BCAR3: variants seen among roughly 807,000 people sequenced by gnomAD.
BCAR3 encodes breast cancer anti-estrogen resistance protein 3.
BCAR3 carries 37 observed loss-of-function variants against 80.1 expected under a neutral mutation model. That is an observed-to-expected ratio of 0.46 (90% CI 0.36 to 0.61). BCAR3 has a LOEUF of 0.61. BCAR3 is among the 20% of genes least tolerant of loss of function. The probability of loss-of-function intolerance (pLI) is 0.00; values close to 1 mark genes in which losing one functional copy is unlikely to be tolerated. For missense variants in BCAR3, 978 were observed against 1,068.2 expected, an observed-to-expected ratio of 0.92 and a Z score of 1.18; for synonymous variants, 389 against 418.9, an observed-to-expected ratio of 0.93 and a Z score of 0.87.
intron 2 of BCAR3, among the ~76,000 whole-genome samples, chr1:93,811,145 G>C (rs1484853622): frequency 1.3e-5 from 2 of 152,280 alleles, no homozygotes; most frequent in East Asian, 1.9e-4. Flanking sequence ...AAAGCTGATG[G>C]GGACACAATC....
At chr1:93,763,192 T>C in intron 2 of BCAR3, among the ~76,000 whole-genome samples, 1 of 151,986 alleles carries the variant, frequency 6.6e-6, no homozygotes, top group East Asian at 1.9e-4. Flanking sequence ...GCCTCCAGAG[T>C]AGCTAGGATT....
intron 3 of BCAR3, among the ~76,000 whole-genome samples, chr1:93,624,304 T>TCCCG (rs1221636066): frequency 2.6e-5 from 4 of 152,234 alleles, no homozygotes. Flanking sequence ...GGTGAGCTTT[T>TCCCG]CCCGGTACAG....
chr1:93,571,997 A>G (rs1382183172), intron 8 of BCAR3, among the ~76,000 whole-genome samples, 156 bp from the exon 9 acceptor site: 1 of 152,240 alleles, frequency 6.6e-6, no homozygotes, highest in Non-Finnish European at 1.5e-5. Context: ...CTCAACAGAG[A>G]GAACGCCCCT....
chr1:93,618,587 T>G (rs950027754), intron 3 of BCAR3, among the ~76,000 whole-genome samples: 2 of 152,240 alleles, frequency 1.3e-5, no homozygotes, highest in Non-Finnish European at 2.9e-5. Flanking sequence ...CACACACAAT[T>G]CTGCCCCATT....
chr1:93,656,767 C>G lies in BCAR3; in HGVS notation c.318-14424G>C, dbSNP rs1001814257. Among the ~76,000 whole-genome samples the G allele has an allele frequency of 3.3e-5, 5 of 152,118 alleles. No homozygotes were observed. In the South Asian group the frequency reaches 6.2e-4, roughly 19 times the overall value. On this transcript the variant is annotated intron_variant, in intron 2 of 11. Coordinates refer to ENST00000260502, the MANE Select transcript of BCAR3 (RefSeq NM_003567.4). ...TACAGGCATGTACCACCACACCCAG[C>G]TAATTTTTTAATCTTTTGCAGAGAC... is the stretch of plus-strand genomic sequence containing the variant.
chr1:93,719,445 A>T (rs1650312181), intron 2 of BCAR3, among the ~76,000 whole-genome samples: 1 of 138,920 alleles, frequency 7.2e-6, no homozygotes, highest in South Asian at 2.2e-4. Flanking sequence ...GGTTCACATC[A>T]TTCTCCTGCC....
chr1:93,596,104 T>C lies in BCAR3; in HGVS notation c.358-3711A>G, dbSNP rs182385739. Among the ~76,000 whole-genome samples, 3 of 152,366 alleles carry C rather than the reference T, an allele frequency of 2.0e-5. No homozygotes were observed. In the East Asian group the frequency reaches 5.8e-4, roughly 29 times the overall value. On this transcript the variant is annotated intron_variant, in intron 3 of 11. Coordinates refer to ENST00000260502, the MANE Select transcript of BCAR3 (RefSeq NM_003567.4). ...CCCCTCTGTGTGGCTATCTGTGTCC[T>C]CTAATTGATCTAAGTTCTAATTTAT...
At chr1:93,584,888 A>T in intron 5 of BCAR3, 1 of 809,954 alleles carries the variant, frequency 1.2e-6, no homozygotes, top group Non-Finnish European at 1.5e-6. Flanking sequence ...GCACTGCACC[A>T]GCCAAGTTGT....
intron 2 of BCAR3, among the ~76,000 whole-genome samples, chr1:93,754,902 G>A (rs778854544): frequency 1.5e-4 from 23 of 152,276 alleles, no homozygotes; most frequent in Non-Finnish European, 2.9e-4. Context: ...AGGTATTCCA[G>A]AAGAAGGTAC....
chr1:93,574,876 C>T (rs139405559), intron 8 of BCAR3, among the ~76,000 whole-genome samples: 128 of 152,260 alleles, frequency 8.4e-4, no homozygotes, highest in Non-Finnish European at 1.5e-3. Flanking sequence ...GAACAAAATC[C>T]GCATGGCCCA....
intron 2 of BCAR3, among the ~76,000 whole-genome samples, chr1:93,713,323 T>C (rs539475236): frequency 1.1e-4 from 17 of 152,280 alleles, no homozygotes; most frequent in African/African-American, 3.9e-4. Flanking sequence ...CAGAACTCTT[T>C]GTTCATGAAT....
At chr1:93,710,057 G>C (rs1177219968) in intron 2 of BCAR3, among the ~76,000 whole-genome samples, 1 of 152,150 alleles carries the variant, frequency 6.6e-6, no homozygotes, top group Non-Finnish European at 1.5e-5. Flanking sequence ...AAAAGATTAG[G>C]CCAGTTGGAC....
At chr1:93,846,765 G>T in intron 1 of BCAR3, 1 of 438,424 alleles carries the variant, frequency 2.3e-6, no homozygotes, top group Non-Finnish European at 4.7e-6. Flanking sequence ...GCTCGGGGCA[G>T]CTGCGCGGCG....
intron 3 of BCAR3, among the ~76,000 whole-genome samples, chr1:93,696,751 T>C (rs76081186): frequency 0.015 from 2,288 of 152,276 alleles, 56 homozygotes; most frequent in African/African-American, 0.053. Flanking sequence ...CTCCAAGCCA[T>C]TGCTCCTACA....
chr1:93,692,236 G>C (rs1049916227), intron 3 of BCAR3, among the ~76,000 whole-genome samples: 3 of 152,130 alleles, frequency 2.0e-5, no homozygotes, highest in African/African-American at 7.2e-5. Flanking sequence ...TTTCCTCTCT[G>C]GTTCCTTCCT....
intron 2 of BCAR3, among the ~76,000 whole-genome samples, chr1:93,665,081 TA>T: frequency 6.6e-6 from 1 of 152,136 alleles, no homozygotes; most frequent in Non-Finnish European, 1.5e-5. Context: ...TAAAGGAACA[TA>T]TCCCCTTGAC....
At chr1:93,697,351 C>G (rs1034179392) in intron 3 of BCAR3, among the ~76,000 whole-genome samples, 1 of 152,244 alleles carries the variant, frequency 6.6e-6, no homozygotes, top group African/African-American at 2.4e-5. Context: ...GCGTAGCCCA[C>G]TTACCTGCCC....
intron 3 of BCAR3, among the ~76,000 whole-genome samples, chr1:93,634,081 T>C (rs539790710): frequency 1.3e-5 from 2 of 152,368 alleles, no homozygotes; most frequent in Admixed American, 6.5e-5. Context: ...TGGAAGCTCC[T>C]TGGTGTACTT....
At chr1:93,738,919 G>A (rs1651086207) in intron 2 of BCAR3, among the ~76,000 whole-genome samples, 1 of 152,164 alleles carries the variant, frequency 6.6e-6, no homozygotes. Context: ...CCAGAGAATA[G>A]GAGCCGTGGG....
Sources: gnomAD v4.1 joint callset for allele counts (sites outside exome capture counted in the v4.1 genomes callset) on GRCh38, gnomAD v4.1.1 for gene constraint, MANE v1.5 for transcripts, NCBI Gene and HGNC (gene_info 2026-07-23, HGNC 2026-07-21) for gene names.